The following ALDH8A1 variants were observed in gnomAD, a reference collection of about 807,000 sequenced individuals.
ALDH8A1 encodes the protein 2-aminomuconic semialdehyde dehydrogenase.
A neutral mutation model predicts 43.3 loss-of-function variants in ALDH8A1; 39 were observed. That is an observed-to-expected ratio of 0.90 (90% CI 0.70 to 1.18). The LOEUF (loss-of-function observed/expected upper bound fraction) is 1.18, where lower values mean the gene tolerates loss of function less well. Ranked by LOEUF, ALDH8A1 falls within the 50% of genes most tolerant of loss-of-function variation. The pLI, the probability that ALDH8A1 is intolerant of heterozygous loss-of-function variation, is 0.00. For synonymous variants in ALDH8A1, 233 were observed against 243.5 expected, an observed-to-expected ratio of 0.96 and a Z score of 0.40; for missense variants, 605 against 622.6, an observed-to-expected ratio of 0.97 and a Z score of 0.30.
intron 2 of ALDH8A1, among the ~76,000 whole-genome samples, chr6:134,942,954 G>A (rs189837125): frequency 5.5e-4 from 83 of 152,280 alleles, no homozygotes; most frequent in Admixed American, 1.0e-3. Context: ...AGCACAAAAC[G>A]AAACACTTTT....
chr6:134,924,427 T>C (rs573859026), intron 6 of ALDH8A1, among the ~76,000 whole-genome samples: 2 of 152,338 alleles, frequency 1.3e-5, no homozygotes, highest in Admixed American at 1.3e-4. Flanking sequence ...GACTGGTGCC[T>C]CCATTTAATA....
rs555954395 is a variant in ALDH8A1, at chr6:134,926,786, G to A, written c.1011+2268C>T. On this transcript the variant is annotated intron_variant, in intron 6 of 6. Transcript: ENST00000265605. Reference sequence around the variant, plus strand: ...ACCACGCCATTGCACTCCAGCCTGGGCGACAGAGTAAGACTCTATCTCAAA... The same window carrying A: ...ACCACGCCATTGCACTCCAGCCTGGACGACAGAGTAAGACTCTATCTCAAA... Among the ~76,000 whole-genome samples the A allele has an allele frequency of 9.3e-3, 1,376 of 148,274 alleles. 15 individuals are homozygous for A. Among genetic ancestry groups the A allele is most frequent in the Admixed American group, 0.019 (279 of 14,614 alleles).
intron 5 of ALDH8A1, among the ~76,000 whole-genome samples, chr6:134,932,311 C>A (rs1220830685): frequency 6.6e-6 from 1 of 152,084 alleles, no homozygotes; most frequent in Non-Finnish European, 1.5e-5. Context: ...TGAATCCACG[C>A]CAAGAAATCT....
Position 134,929,041 on chromosome 6 carries a change from G to C in ALDH8A1, c.1011+13C>G, listed in dbSNP as rs753121308. 5.6e-6 allele frequency: 9 copies of C among 1,612,796 alleles called. No homozygotes were observed. Among genetic ancestry groups the C allele is most frequent in the Non-Finnish European group, 6.8e-6 (8 of 1,179,466 alleles). On this transcript the variant is annotated intron_variant, in intron 6 of 6. Coordinates refer to ENST00000265605, the MANE Select transcript of ALDH8A1 (RefSeq NM_022568.4). ...AACTTATTCTGTAACTTACATGGCA[G>C]AAATTTACTTACTTTCTCCAAATGT...
chr6:134,927,058 G>A (rs538293592), intron 6 of ALDH8A1, among the ~76,000 whole-genome samples: 1 of 152,316 alleles, frequency 6.6e-6, no homozygotes, highest in South Asian at 2.1e-4. Context: ...GTTGTCAGAG[G>A]ACAGAGATGC....
At chr6:134,930,789 G>C (rs1776972390) in intron 5 of ALDH8A1, among the ~76,000 whole-genome samples, 1 of 152,188 alleles carries the variant, frequency 6.6e-6, no homozygotes, top group South Asian at 2.1e-4. Flanking sequence ...GAAAGCGTAG[G>C]TAAGCATACC....
rs1033699548 is a variant in ALDH8A1 at position 134,939,889 on chromosome 6, G to C, written c.443-474C>G. On this transcript the variant is annotated intron_variant, in intron 3 of 6. Coordinates refer to ENST00000265605, the MANE Select transcript of ALDH8A1 (RefSeq NM_022568.4). Reference sequence around the variant, plus strand: ...CATATACACAATGGAATACAATGCAGCCATAAAAAGGAACGAGATCATGTC... The same window carrying C: ...CATATACACAATGGAATACAATGCACCCATAAAAAGGAACGAGATCATGTC... Among the ~76,000 whole-genome samples the C allele has an allele frequency of 2.0e-5, 3 of 152,332 alleles. No homozygotes were observed. In the South Asian group the frequency reaches 6.2e-4, roughly 32 times the overall value.
rs1225342072 is a variant in ALDH8A1 at position 134,918,384 on chromosome 6, T to C, written c.*31A>G. 1 of 1,592,288 alleles carries C rather than the reference T, an allele frequency of 6.3e-7. No homozygotes were observed. Among genetic ancestry groups the C allele is most frequent in the South Asian group, 1.1e-5 (1 of 89,210 alleles). On this transcript the variant is annotated 3_prime_UTR_variant, in exon 7 of 7. Coordinates refer to ENST00000265605, the MANE Select transcript of ALDH8A1 (RefSeq NM_022568.4). ...AACAACTGATGCCTGCAGCCAGGCA[T>C]TGGCCATAGTGGCTCCACCATTAGC...
chr6:134,939,227 C>A (rs1399366103), intron 4 of ALDH8A1, 39 bp downstream of exon 4: 1 of 1,608,284 alleles, frequency 6.2e-7, no homozygotes, highest in East Asian at 2.2e-5. Context: ...AGGTTTGCTC[C>A]AACTCTGTGC....
chr6:134,938,022 G>A (rs1773776560), intron 4 of ALDH8A1, among the ~76,000 whole-genome samples: 1 of 152,164 alleles, frequency 6.6e-6, no homozygotes, highest in African/African-American at 2.4e-5. Flanking sequence ...TAAAGAACTG[G>A]CTAGGGTTTA....
chr6:134,948,704 T>C (rs1773995009), intron 1 of ALDH8A1, among the ~76,000 whole-genome samples: 1 of 152,188 alleles, frequency 6.6e-6, no homozygotes, highest in South Asian at 2.1e-4. Flanking sequence ...TGGGATCAGA[T>C]AGGATATTTG....
intron 4 of ALDH8A1, among the ~76,000 whole-genome samples, chr6:134,933,704 A>T (rs1206414616): frequency 6.6e-6 from 1 of 152,008 alleles, no homozygotes; most frequent in Non-Finnish European, 1.5e-5. Flanking sequence ...TTGTTTTATT[A>T]TTTTATTTAT....
chr6:134,942,256 A>G (rs576593590), intron 3 of ALDH8A1, 153 bp downstream of exon 3: 1 of 984,260 alleles, frequency 1.0e-6, no homozygotes, highest in East Asian at 2.8e-5. Context: ...AAGAAAATAA[A>G]CTAGAAATAG....
chr6:134,932,829 C>G lies in ALDH8A1; in HGVS notation c.796G>C (p.Ala266Pro), dbSNP rs775080762. The G allele has an allele frequency of 1.2e-6, 2 of 1,614,200 alleles. No homozygotes were observed. Among genetic ancestry groups the G allele is most frequent in the Admixed American group, 1.7e-5 (1 of 60,026 alleles). ...GKNPAIIFED[A>P]NLDECIPATV... ...GCCGGAATGCACTCATCCAGGTTGG[C>G]GTCCTCAAAGATGATGGCAGGATTC... The change falls in exon 5 of 7, where the codon GCC becomes CCC. Residue 266 changes from alanine (A) to proline (P), a missense_variant. Physicochemically the swap from Ala to Pro is conservative, Grantham distance 27 (BLOSUM62 -1). Coordinates refer to ENST00000265605, the MANE Select transcript of ALDH8A1 (RefSeq NM_022568.4).
intron 1 of ALDH8A1, among the ~76,000 whole-genome samples, chr6:134,949,217 A>G (rs1774003208): frequency 6.6e-6 from 1 of 152,192 alleles, no homozygotes; most frequent in Non-Finnish European, 1.5e-5. Context: ...CTTCAGATAT[A>G]TTTACATTCT....
chr6:134,944,716 T>C (rs566887282), intron 1 of ALDH8A1, among the ~76,000 whole-genome samples: 2 of 151,982 alleles, frequency 1.3e-5, no homozygotes, highest in African/African-American at 4.8e-5. Context: ...AGACCCTGTC[T>C]CTACACAAAG....
chr6:134,940,100 G>A (rs1001465769), intron 3 of ALDH8A1: 2 of 269,716 alleles, frequency 7.4e-6, no homozygotes, highest in Admixed American at 9.3e-5. Flanking sequence ...AGAGCATTAG[G>A]ATAAAGAGCA....
At position 134,917,786 on chromosome 6, in the gene ALDH8A1, A is replaced by C. The variant is rs1776729935; in HGVS notation, c.*629T>G. 1.3e-5 allele frequency: 2 copies of C among 152,148 alleles called. No individual in the cohort carries two copies. Among genetic ancestry groups the C allele is most frequent in the Admixed American group, 1.3e-4 (2 of 15,276 alleles). 9.4% of individuals were successfully genotyped at this position (152,148 alleles called of 1,614,324 possible). A position where few individuals can be genotyped will look rare whatever the true frequency, so the allele number is the denominator to read the frequency against. ...TTTGCAGCATTTTTTTTTTAAAGAC[A>C]AGGTCTCACTGTATCCCCCAGGCTG... On this transcript the variant is annotated 3_prime_UTR_variant, in exon 7 of 7. Transcript: ENST00000265605.
chr6:134,926,808 CA>C (rs11392777), intron 6 of ALDH8A1, among the ~76,000 whole-genome samples: 3,945 of 145,920 alleles, frequency 0.027, 74 homozygotes, highest in African/African-American at 0.062. Context: ...GACTCTATCT[CA>C]AAAAAAAAAA....
Sources: allele counts gnomAD v4.1 joint callset (sites outside exome capture counted in the v4.1 genomes callset), GRCh38; gene constraint gnomAD v4.1.1; transcripts MANE v1.5; gene names NCBI Gene and HGNC (gene_info 2026-07-23, HGNC 2026-07-21).